Variants in UST observed in about 807,000 individuals in gnomAD.
The protein encoded by UST is uronyl 2-sulfotransferase, also known as chondroitin sulfate 2-O-sulfotransferase.
A neutral mutation model predicts 45.6 loss-of-function variants in UST; 21 were observed. That is an observed-to-expected ratio of 0.46 (90% CI 0.33 to 0.66). UST has a LOEUF of 0.66. UST is among the 30% of genes least tolerant of loss of function. The pLI, the probability that UST is intolerant of heterozygous loss-of-function variation, is 0.02. For synonymous variants in UST, 215 were observed against 200.6 expected (o/e 1.07, Z -0.61); for missense variants, 463 against 512.4 (o/e 0.90, Z 0.93).
chr6:148,932,636 T>C (rs1360579417), intron 2 of UST, among the ~76,000 whole-genome samples: 1 of 152,216 alleles, frequency 6.6e-6, no homozygotes, highest in African/African-American at 2.4e-5. Flanking sequence ...CTGGAAGTCT[T>C]GTATTTTTTT....
At chr6:149,038,787 G>A (rs974728709) in intron 7 of UST, among the ~76,000 whole-genome samples, 3 of 152,100 alleles carry the variant, frequency 2.0e-5, no homozygotes, top group Admixed American at 6.5e-5. Context: ...CCTCTGGATT[G>A]CCTTTCTTTG....
chr6:148,870,718 G>C (rs2114815258), intron 1 of UST, among the ~76,000 whole-genome samples: 1 of 152,214 alleles, frequency 6.6e-6, no homozygotes, highest in Admixed American at 6.5e-5. Flanking sequence ...ACAGTGGCCT[G>C]TTCCCTCCTG....
intron 2 of UST, among the ~76,000 whole-genome samples, chr6:148,932,625 AC>A (rs1289892262): frequency 1.3e-5 from 2 of 152,158 alleles, no homozygotes; most frequent in Admixed American, 6.5e-5. Flanking sequence ...TCCTGCTCAA[AC>A]TGGAAGTCTT....
chr6:148,772,457 G>A (rs1776448689), intron 1 of UST, among the ~76,000 whole-genome samples: 1 of 150,144 alleles, frequency 6.7e-6, no homozygotes, highest in South Asian at 2.1e-4. Context: ...GAGTCTTGCT[G>A]TGTCACCCAC....
At chr6:148,843,146 G>A (rs1351466887) in intron 1 of UST, among the ~76,000 whole-genome samples, 1 of 152,184 alleles carries the variant, frequency 6.6e-6, no homozygotes, top group Non-Finnish European at 1.5e-5. Context: ...AGGGGGAATG[G>A]GAAGCAGATG....
At chr6:148,818,577 A>G (rs1301014153) in intron 1 of UST, among the ~76,000 whole-genome samples, 2 of 152,212 alleles carry the variant, frequency 1.3e-5, no homozygotes, top group Non-Finnish European at 2.9e-5. Flanking sequence ...TCAGACGTAA[A>G]TGTTTCAAAC....
chr6:148,758,959 C>T (rs114146309), intron 1 of UST, among the ~76,000 whole-genome samples: 167 of 152,326 alleles, frequency 1.1e-3, no homozygotes, highest in African/African-American at 3.9e-3. Flanking sequence ...ATAAACAGAA[C>T]CGTCAGGCAG....
At chr6:149,043,046 C>T (rs148248074) in intron 7 of UST, among the ~76,000 whole-genome samples, 973 of 79,246 alleles carry the variant, frequency 0.012, 10 homozygotes, top group African/African-American at 0.039. Context: ...TCTTTCTTTC[C>T]TTCTTTCCTT....
At chr6:148,823,527 T>C (rs918586204) in intron 1 of UST, among the ~76,000 whole-genome samples, 3 of 152,222 alleles carry the variant, frequency 2.0e-5, no homozygotes, top group African/African-American at 7.2e-5. Flanking sequence ...ATATTTTCTT[T>C]CTTAATCTAT....
intron 5 of UST, among the ~76,000 whole-genome samples, chr6:149,001,325 C>T (rs1205592224): frequency 6.6e-6 from 1 of 152,184 alleles, no homozygotes; most frequent in Non-Finnish European, 1.5e-5. Context: ...CCCACCTTGG[C>T]CTCCCAAAGT....
At chr6:148,758,753 C>T (rs919435694) in intron 1 of UST, among the ~76,000 whole-genome samples, 2 of 152,198 alleles carry the variant, frequency 1.3e-5, no homozygotes, top group East Asian at 1.9e-4. Flanking sequence ...GTAGGTGTTG[C>T]GGCAAGTGAG....
intron 2 of UST, among the ~76,000 whole-genome samples, chr6:148,931,724 G>A (rs967154313): frequency 1.3e-5 from 2 of 152,176 alleles, no homozygotes; most frequent in Non-Finnish European, 2.9e-5. Context: ...AAAACATACA[G>A]GGTACATCCA....
intron 1 of UST, among the ~76,000 whole-genome samples, chr6:148,807,793 A>G (rs1777178322): frequency 6.6e-6 from 1 of 152,160 alleles, no homozygotes; most frequent in South Asian, 2.1e-4. Flanking sequence ...TCTGAAAGGG[A>G]TTGCAGAATC....
At chr6:149,042,241 A>G (rs942803269) in intron 7 of UST, among the ~76,000 whole-genome samples, 3 of 152,228 alleles carry the variant, frequency 2.0e-5, no homozygotes, top group Non-Finnish European at 4.4e-5. Flanking sequence ...TTTTTACTAT[A>G]CATGTACTGA....
chr6:148,830,959 TTTTGCCACAGTAA>T (rs1442246040), intron 1 of UST, among the ~76,000 whole-genome samples: 4 of 152,008 alleles, frequency 2.6e-5, no homozygotes, highest in Non-Finnish European at 5.9e-5. Context: ...TATATATGTA[TTTTGCCACAGTAA>T]AATTCTGCTT....
intron 5 of UST, among the ~76,000 whole-genome samples, chr6:149,005,893 A>G (rs1048468848): frequency 2.6e-5 from 4 of 152,118 alleles, no homozygotes; most frequent in Non-Finnish European, 4.4e-5. Flanking sequence ...CACTAACACA[A>G]TCACACCCAG....
chr6:149,006,247 C>T (rs2340750), intron 5 of UST, among the ~76,000 whole-genome samples: 43,435 of 151,892 alleles, frequency 0.29, 6,348 homozygotes, highest in Middle Eastern at 0.36. Context: ...CCTCCCCCAA[C>T]CCCACTGACA....
chr6:148,777,806 G>A (rs1227865419), intron 1 of UST, among the ~76,000 whole-genome samples: 3 of 152,082 alleles, frequency 2.0e-5, no homozygotes, highest in African/African-American at 7.2e-5. Context: ...CTCGGCCTCC[G>A]TAATCCCAAA....
chr6:148,902,269 C>T (rs138176366), intron 2 of UST, among the ~76,000 whole-genome samples: 231 of 152,194 alleles, frequency 1.5e-3, no homozygotes, highest in African/African-American at 5.4e-3. Flanking sequence ...CTCTGTAACC[C>T]AGGCTGGAGT....
Sources: gnomAD v4.1 joint callset for allele counts (sites outside exome capture counted in the v4.1 genomes callset) on GRCh38, gnomAD v4.1.1 for gene constraint, MANE v1.5 for transcripts, NCBI Gene and HGNC (gene_info 2026-07-23, HGNC 2026-07-21) for gene names.